The following PTPRD variants were observed in gnomAD, a reference collection of about 807,000 sequenced individuals.
PTPRD encodes the protein protein tyrosine phosphatase receptor type D.
A neutral mutation model predicts 214.5 loss-of-function variants in PTPRD; 34 were observed. The observed-to-expected ratio is 0.16, with a 90% confidence interval of 0.12 to 0.21. PTPRD has a LOEUF of 0.21. PTPRD is among the 10% of genes least tolerant of loss of function. The probability of loss-of-function intolerance (pLI) is 1.00; values close to 1 mark genes in which losing one functional copy is unlikely to be tolerated. For synonymous variants in PTPRD, 1,128 were observed against 845.7 expected (o/e 1.33, Z -5.79); for missense variants, 2,545 against 2,398.7 (o/e 1.06, Z -1.27).
intron 3 of PTPRD, among the ~76,000 whole-genome samples, chr9:10,129,299 G>T (rs2098841488): frequency 6.6e-6 from 1 of 152,024 alleles, no homozygotes; most frequent in Non-Finnish European, 1.5e-5. Flanking sequence ...ATTTTCAAGA[G>T]CACTTTGAGA....
At chr9:10,475,317 C>A (rs2099055694) in intron 2 of PTPRD, among the ~76,000 whole-genome samples, 1 of 152,028 alleles carries the variant, frequency 6.6e-6, no homozygotes, top group Non-Finnish European at 1.5e-5. Context: ...ACCACTGATT[C>A]CACAGAAATA....
At chr9:10,147,818 T>G (rs2099034061) in intron 3 of PTPRD, among the ~76,000 whole-genome samples, 2 of 152,298 alleles carry the variant, frequency 1.3e-5, no homozygotes, top group South Asian at 4.1e-4. Flanking sequence ...AGGCGGAGGT[T>G]GCAGTGAGTC....
At chr9:9,370,817 A>T (rs1460630570) in intron 9 of PTPRD, among the ~76,000 whole-genome samples, 1 of 151,916 alleles carries the variant, frequency 6.6e-6, no homozygotes, top group Non-Finnish European at 1.5e-5. Context: ...AGTTTTTAGC[A>T]TGAAGTGTTG....
chr9:10,154,060 T>C (rs2099078661), intron 3 of PTPRD, among the ~76,000 whole-genome samples: 1 of 152,114 alleles, frequency 6.6e-6, no homozygotes, highest in Non-Finnish European at 1.5e-5. Flanking sequence ...CACTGCTTTC[T>C]ACAATGGTTG....
intron 9 of PTPRD, among the ~76,000 whole-genome samples, chr9:9,279,672 CTTAA>C (rs1946950813): frequency 6.6e-6 from 1 of 150,592 alleles, no homozygotes; most frequent in Non-Finnish European, 1.5e-5. Context: ...TGTTTAAAAA[CTTAA>C]TTATTAATAT....
chr9:8,721,354 TA>T (rs916855529), intron 12 of PTPRD, among the ~76,000 whole-genome samples: 7 of 149,000 alleles, frequency 4.7e-5, no homozygotes, highest in Non-Finnish European at 7.4e-5. Context: ...CGCTTGAACC[TA>T]GGAGTCAGAG....
intron 17 of PTPRD, 37 bp downstream of exon 17, chr9:8,526,590 T>C (rs1461069910): frequency 5.2e-6 from 8 of 1,528,800 alleles, no homozygotes; most frequent in Non-Finnish European, 7.1e-6. Flanking sequence ...AAAGAATGAG[T>C]AAGATCATTC....
At chr9:8,909,496 G>C (rs2098732100) in intron 11 of PTPRD, among the ~76,000 whole-genome samples, 1 of 152,024 alleles carries the variant, frequency 6.6e-6, no homozygotes. Flanking sequence ...AAAGGGCAAA[G>C]CCATATGATC....
chr9:10,543,578 C>T (rs1210646073), intron 2 of PTPRD, among the ~76,000 whole-genome samples: 1 of 151,916 alleles, frequency 6.6e-6, no homozygotes, highest in Non-Finnish European at 1.5e-5. Flanking sequence ...AGATGTGTTC[C>T]TGATCTATCA....
At chr9:10,013,655 C>T (rs991873059) in intron 4 of PTPRD, among the ~76,000 whole-genome samples, 3 of 151,642 alleles carry the variant, frequency 2.0e-5, no homozygotes, top group African/African-American at 7.3e-5. Context: ...TTTACAAAGA[C>T]TCCAGTACAC....
At chr9:10,159,589 G>C (rs2099114781) in intron 3 of PTPRD, among the ~76,000 whole-genome samples, 1 of 151,868 alleles carries the variant, frequency 6.6e-6, no homozygotes, top group Non-Finnish European at 1.5e-5. Flanking sequence ...TCAATTTTAA[G>C]GAAACTCAGT....
chr9:10,381,228 A>G (rs960800342), intron 2 of PTPRD, among the ~76,000 whole-genome samples: 1 of 151,954 alleles, frequency 6.6e-6, no homozygotes, highest in Non-Finnish European at 1.5e-5. Flanking sequence ...TCGCCTTTAC[A>G]AATTTTATCT....
intron 11 of PTPRD, among the ~76,000 whole-genome samples, chr9:8,787,236 G>C (rs1262710876): frequency 1.3e-5 from 2 of 152,282 alleles, no homozygotes; most frequent in Middle Eastern, 3.4e-3. Context: ...TGCTGCTTAA[G>C]CAGATTTTTC....
chr9:10,500,170 C>T (rs1386475261), intron 2 of PTPRD, among the ~76,000 whole-genome samples: 1 of 151,840 alleles, frequency 6.6e-6, no homozygotes, highest in East Asian at 1.9e-4. Flanking sequence ...AACTTTCATG[C>T]ATATGTATTA....
intron 7 of PTPRD, among the ~76,000 whole-genome samples, chr9:9,714,089 C>CAAAAAAAA (rs5896350): frequency 7.9e-6 from 1 of 126,976 alleles, no homozygotes; most frequent in African/African-American, 2.9e-5. Flanking sequence ...TTCACTTGCG[C>CAAAAAAAA]AAAAAAAAAA....
chr9:10,154,972 G>A (rs138150278), intron 3 of PTPRD, among the ~76,000 whole-genome samples: 200 of 151,900 alleles, frequency 1.3e-3, no homozygotes, highest in African/African-American at 4.7e-3. Context: ...TGTTTTTCTA[G>A]GTCTGTGAAG....
intron 11 of PTPRD, among the ~76,000 whole-genome samples, chr9:8,792,758 C>G (rs1347907776): frequency 2.0e-5 from 3 of 152,168 alleles, no homozygotes; most frequent in Non-Finnish European, 4.4e-5. Context: ...GTAAAGACCT[C>G]TCGTCCTTGC....
intron 3 of PTPRD, among the ~76,000 whole-genome samples, chr9:10,175,978 C>T (rs1213762022): frequency 6.6e-6 from 1 of 151,978 alleles, no homozygotes; most frequent in Non-Finnish European, 1.5e-5. Flanking sequence ...TAACAATAGA[C>T]ATAAAACTAA....
At chr9:8,829,452 ACAT>A (rs1224805282) in intron 11 of PTPRD, among the ~76,000 whole-genome samples, 1 of 152,206 alleles carries the variant, frequency 6.6e-6, no homozygotes, top group Non-Finnish European at 1.5e-5. Flanking sequence ...TTTTGTGCAT[ACAT>A]CAGTTCATTA....
Sources: gnomAD v4.1 joint callset for allele counts (sites outside exome capture counted in the v4.1 genomes callset) on GRCh38, gnomAD v4.1.1 for gene constraint, MANE v1.5 for transcripts, NCBI Gene and HGNC (gene_info 2026-07-23, HGNC 2026-07-21) for gene names.